Variants in PLCG2 observed in about 807,000 individuals in gnomAD.
PLCG2 encodes 1-phosphatidylinositol 4,5-bisphosphate phosphodiesterase gamma-2.
In PLCG2, 69 loss-of-function variants were observed where a neutral mutation model predicts 175.6. The observed-to-expected ratio is 0.39, with a 90% CI of 0.32 to 0.48. The LOEUF is 0.48. Among genes scored for constraint, PLCG2 ranks in the 20% least tolerant of loss-of-function variants. PLCG2 has a pLI of 0.91. For synonymous variants in PLCG2, 827 were observed against 624.0 expected, an observed-to-expected ratio of 1.33 and a Z score of -4.85; for missense variants, 1,798 against 1,650.9, an observed-to-expected ratio of 1.09 and a Z score of -1.54.
chr16:81,885,961 A>G (rs559317910), intron 9 of PLCG2, among the ~76,000 whole-genome samples: 5 of 152,332 alleles, frequency 3.3e-5, no homozygotes, highest in African/African-American at 1.2e-4. Flanking sequence ...AATGAAGGTA[A>G]TAAGTTAATT....
chr16:81,859,211 A>C, intron 5 of PLCG2, 48 bp downstream of exon 5: 1 of 1,255,584 alleles, frequency 8.0e-7, no homozygotes, highest in Non-Finnish European at 1.2e-6. Flanking sequence ...TTCGATCCTC[A>C]TTCTATCTTT....
chr16:81,751,393 T>C (rs1909809978), intron 1 of PLCG2, among the ~76,000 whole-genome samples: 1 of 152,218 alleles, frequency 6.6e-6, no homozygotes, highest in Admixed American at 6.5e-5. Flanking sequence ...AAGTGTCACA[T>C]GTTCTCACTT....
chr16:81,787,209 CT>C (rs34340682), intron 2 of PLCG2, among the ~76,000 whole-genome samples: 52,340 of 149,744 alleles, frequency 0.35, 9,543 homozygotes, highest in African/African-American at 0.38. Flanking sequence ...TCATTGTACT[CT>C]TTTTTTTTTA....
intron 2 of PLCG2, among the ~76,000 whole-genome samples, chr16:81,828,625 G>C (rs1397492850): frequency 2.6e-5 from 4 of 152,050 alleles, no homozygotes; most frequent in Non-Finnish European, 5.9e-5. Flanking sequence ...AGTCCTTGCG[G>C]GTCAGCAGAG....
At position 81,962,306 on chromosome 16, in the gene PLCG2, C is replaced by T. The variant is rs1416622963; in HGVS notation, c.*4308C>T. 3.0e-5 allele frequency: 6 copies of T among 199,702 alleles called. No individual in the cohort carries two copies. Among genetic ancestry groups the T allele is most frequent in the African/African-American group, 9.2e-5 (4 of 43,484 alleles). The allele number at this position is 199,702 out of a possible 1,614,324, so 12.4% of individuals were successfully genotyped here. ...TGACATTTAACTTTTTGAACCCAAC[C>T]GTAAAAGCTATCTTCTAACCAACAA... On this transcript the variant is annotated 3_prime_UTR_variant, in exon 33 of 33. Coordinates refer to ENST00000564138, the MANE Select transcript of PLCG2 (RefSeq NM_002661.5).
rs550483481 is a variant in PLCG2, at chr16:81,960,244, A to G, written c.*2246A>G. ...ACTGATTCTCTCAGGAAAGGCACAC[A>G]TGGTATGATGGCTCTTCCCAGAGTC... On this transcript the variant is annotated 3_prime_UTR_variant, in exon 33 of 33. Transcript: ENST00000564138. 20 of 220,484 alleles carry G rather than the reference A, an allele frequency of 9.1e-5. No individual in the cohort carries two copies. The South Asian group carries it at 3.3e-3, about 37-fold the overall frequency. 13.7% of individuals were successfully genotyped at this position (220,484 alleles called of 1,614,324 possible).
At chr16:81,818,839 A>AG (rs1183914324) in intron 2 of PLCG2, among the ~76,000 whole-genome samples, 1 of 145,982 alleles carries the variant, frequency 6.9e-6, no homozygotes, top group Admixed American at 6.8e-5. Flanking sequence ...GAATATGAAT[A>AG]GGGGGATTTG....
At chr16:81,812,774 C>G (rs1904373225) in intron 2 of PLCG2, among the ~76,000 whole-genome samples, 3 of 152,094 alleles carry the variant, frequency 2.0e-5, no homozygotes, top group Non-Finnish European at 2.9e-5. Context: ...ATGGTATTGC[C>G]TAGGTTTTTT....
intron 9 of PLCG2, among the ~76,000 whole-genome samples, chr16:81,884,405 A>C (rs952877713): frequency 3.3e-4 from 51 of 152,276 alleles, no homozygotes; most frequent in African/African-American, 1.2e-3. Flanking sequence ...AAGTCAAAGA[A>C]GTATTCAGCA....
intron 2 of PLCG2, among the ~76,000 whole-genome samples, chr16:81,828,404 A>T (rs1216507033): frequency 6.6e-6 from 1 of 151,312 alleles, no homozygotes; most frequent in African/African-American, 2.4e-5. Flanking sequence ...CGCCCGGCTA[A>T]TTTTTTTGTA....
intron 2 of PLCG2, among the ~76,000 whole-genome samples, chr16:81,759,475 TCA>T (rs1181303253): frequency 6.6e-6 from 1 of 152,228 alleles, no homozygotes; most frequent in Non-Finnish European, 1.5e-5. Flanking sequence ...AGGTCTAAAA[TCA>T]CAGATTCAAT....
At chr16:81,904,571 C>T (rs190033759) in intron 14 of PLCG2, among the ~76,000 whole-genome samples, 276 of 152,324 alleles carry the variant, frequency 1.8e-3, no homozygotes, top group African/African-American at 6.3e-3. Flanking sequence ...CATTGGGTCC[C>T]CCGCCACCCT....
At chr16:81,846,895 G>C (rs1355002198) in intron 2 of PLCG2, among the ~76,000 whole-genome samples, 1 of 152,000 alleles carries the variant, frequency 6.6e-6, no homozygotes, top group Non-Finnish European at 1.5e-5. Context: ...GATGTGTATG[G>C]TTTTCCCCCC....
intron 1 of PLCG2, among the ~76,000 whole-genome samples, chr16:81,784,835 G>C (rs4281703): frequency 0.27 from 40,278 of 151,948 alleles, 5,614 homozygotes; most frequent in South Asian, 0.35. Flanking sequence ...TGGTGGTTCA[G>C]CTCCAGGGCC....
chr16:81,907,138 T>G (rs1410775139), intron 15 of PLCG2, among the ~76,000 whole-genome samples: 1 of 150,076 alleles, frequency 6.7e-6, no homozygotes, highest in Non-Finnish European at 1.5e-5. Context: ...ACTTAAAGTA[T>G]AATAAAAAAA....
chr16:81,749,918 C>T (rs913768643), intron 1 of PLCG2, among the ~76,000 whole-genome samples: 3 of 152,014 alleles, frequency 2.0e-5, no homozygotes, highest in African/African-American at 7.3e-5. Flanking sequence ...AAGTGTAATC[C>T]ATCTACGCGG....
chr16:81,842,605 T>A (rs1388687820), intron 2 of PLCG2: 1 of 152,128 alleles, frequency 6.6e-6, no homozygotes, highest in Admixed American at 6.6e-5. Context: ...GTTAAGCTCA[T>A]TGTCAGGTGT....
At chr16:81,824,008 C>T in intron 2 of PLCG2, among the ~76,000 whole-genome samples, 1 of 22,134 alleles carries the variant, frequency 4.5e-5, no homozygotes, top group Non-Finnish European at 9.1e-5. Flanking sequence ...TTTTCTTTTT[C>T]CTTTCCTTTC....
intron 18 of PLCG2, among the ~76,000 whole-genome samples, chr16:81,911,815 T>G (rs1445000768): frequency 6.9e-6 from 1 of 144,390 alleles, no homozygotes; most frequent in African/African-American, 2.6e-5. Context: ...TTTTTTTTTT[T>G]GGGACAGAGT....
Sources: gnomAD v4.1 joint callset for allele counts (sites outside exome capture counted in the v4.1 genomes callset) on GRCh38, gnomAD v4.1.1 for gene constraint, MANE v1.5 for transcripts, NCBI Gene and HGNC (gene_info 2026-07-23, HGNC 2026-07-21) for gene names.